EYA1: variants seen among roughly 807,000 people sequenced by gnomAD.
EYA1 encodes EYA transcriptional coactivator and phosphatase 1.
In EYA1, 16 loss-of-function variants were observed where a neutral mutation model predicts 82.0. That is an observed-to-expected ratio of 0.20 (90% CI 0.13 to 0.30). The LOEUF is 0.30. Ranked by LOEUF, EYA1 falls within the 10% of genes least tolerant of loss-of-function variation. The pLI is 1.00. For missense variants in EYA1, 633 were observed against 730.7 expected (o/e 0.87, Z 1.54); for synonymous variants, 261 against 264.4 (o/e 0.99, Z 0.12).
At chr8:71,495,252 C>T (rs916296069) in intron 2 of EYA1, among the ~76,000 whole-genome samples, 25 of 152,056 alleles carry the variant, frequency 1.6e-4, no homozygotes, top group African/African-American at 7.2e-5. Flanking sequence ...ACTTTTTTCA[C>T]GATAAAAATA....
intron 2 of EYA1, among the ~76,000 whole-genome samples, chr8:71,498,222 T>C (rs2129233710): frequency 6.6e-6 from 1 of 152,318 alleles, no homozygotes; most frequent in African/African-American, 2.4e-5. Flanking sequence ...ACAAAAATGG[T>C]AACTATGTGA....
At chr8:71,331,107 T>C (rs1219144194) in intron 4 of EYA1, among the ~76,000 whole-genome samples, 3 of 151,814 alleles carry the variant, frequency 2.0e-5, no homozygotes, top group African/African-American at 7.3e-5. Context: ...CACGTGCCTG[T>C]AGTCCCAGCT....
chr8:71,509,688 T>G (rs931445598), intron 2 of EYA1, among the ~76,000 whole-genome samples: 3 of 152,214 alleles, frequency 2.0e-5, no homozygotes, highest in African/African-American at 7.2e-5. Context: ...AAAATATTTT[T>G]ACACGCTTCA....
At chr8:71,376,644 A>T (rs1330635826) in intron 2 of EYA1, among the ~76,000 whole-genome samples, 1 of 152,068 alleles carries the variant, frequency 6.6e-6, no homozygotes, top group East Asian at 1.9e-4. Flanking sequence ...AGTCAATAGG[A>T]GTTGTAAATT....
At chr8:71,270,102 T>A in intron 10 of EYA1, 1 of 345,540 alleles carries the variant, frequency 2.9e-6, no homozygotes. Context: ...AGAATTTCGG[T>A]CTCAGCTCTG....
chr8:71,366,342 C>T (rs73294221), upstream of EYA1, among the ~76,000 whole-genome samples: 5,600 of 152,136 alleles, frequency 0.037, 189 homozygotes, highest in African/African-American at 0.085. Flanking sequence ...CTTTTTCTTC[C>T]TCCTGCCAAA....
chr8:71,235,317 A>G (rs1194929018), intron 12 of EYA1, among the ~76,000 whole-genome samples: 3 of 151,976 alleles, frequency 2.0e-5, no homozygotes, highest in African/African-American at 7.3e-5. Flanking sequence ...AAGACCCTTC[A>G]TCATCTGGAC....
chr8:71,532,207 T>G (rs369736662), intron 2 of EYA1, among the ~76,000 whole-genome samples: 19 of 152,274 alleles, frequency 1.2e-4, no homozygotes, highest in Admixed American at 7.8e-4. Context: ...AGATGAAGAA[T>G]GCACACACCC....
intron 11 of EYA1, among the ~76,000 whole-genome samples, chr8:71,267,556 T>C (rs1037448115): frequency 1.3e-5 from 2 of 152,160 alleles, no homozygotes; most frequent in African/African-American, 4.8e-5. Flanking sequence ...GATAAAACTT[T>C]TGTTTTTTTT....
At chr8:71,333,374 G>C (rs1171441358) in intron 4 of EYA1, among the ~76,000 whole-genome samples, 2 of 152,016 alleles carry the variant, frequency 1.3e-5, no homozygotes, top group Non-Finnish European at 2.9e-5. Context: ...ATTTCCAATA[G>C]AGAGGTGCTA....
At chr8:71,321,538 G>A (rs971228318) in intron 6 of EYA1, among the ~76,000 whole-genome samples, 196 bp downstream of exon 6, 2 of 152,250 alleles carry the variant, frequency 1.3e-5, no homozygotes, top group Non-Finnish European at 2.9e-5. Context: ...TAATCTTTTC[G>A]CTACCTCTGA....
chr8:71,410,828 C>T (rs1478542575), intron 2 of EYA1, among the ~76,000 whole-genome samples: 1 of 136,500 alleles, frequency 7.3e-6, no homozygotes, highest in Non-Finnish European at 1.6e-5. Context: ...AGATTCAATG[C>T]CATCCCCATC....
chr8:71,544,208 C>G (rs1399287490), intron 1 of EYA1, among the ~76,000 whole-genome samples: 1 of 152,138 alleles, frequency 6.6e-6, no homozygotes, highest in African/African-American at 2.4e-5. Context: ...TCGGTCTCCC[C>G]TCAATACTAT....
Position 71,329,618 on chromosome 8 carries a change from C to T in EYA1, c.202+4479G>A, listed in dbSNP as rs372144274. Among the ~76,000 whole-genome samples the T allele has an allele frequency of 6.6e-5, 10 of 152,274 alleles. No individual in the cohort carries two copies. The East Asian group carries it at 7.7e-4, about 12-fold the overall frequency. ...TCACTACTCTTATTTTGAGTCACTT[C>T]GGAGGAAAAAGTAGAAGCCATCATT... On this transcript the variant is annotated intron_variant, in intron 4 of 17. Transcript: ENST00000340726.
At chr8:71,291,887 C>T (rs574219889) in intron 9 of EYA1, among the ~76,000 whole-genome samples, 9 of 151,924 alleles carry the variant, frequency 5.9e-5, no homozygotes, top group African/African-American at 1.4e-4. Context: ...CAATTGTGTT[C>T]GACTGTATTT....
upstream of EYA1, among the ~76,000 whole-genome samples, chr8:71,365,485 C>T (rs192747224): frequency 3.3e-4 from 50 of 152,092 alleles, no homozygotes; most frequent in African/African-American, 1.1e-3. Context: ...CTTAAAAAAG[C>T]GAAATCCCAC....
intron 2 of EYA1, among the ~76,000 whole-genome samples, chr8:71,500,092 C>A (rs1811707588): frequency 6.6e-6 from 1 of 152,052 alleles, no homozygotes; most frequent in African/African-American, 2.4e-5. Context: ...CTCTCCATGT[C>A]CTGTGTAAAA....
chr8:71,219,470 T>C (rs1202821334), intron 12 of EYA1, among the ~76,000 whole-genome samples: 2 of 152,232 alleles, frequency 1.3e-5, no homozygotes, highest in African/African-American at 4.8e-5. Flanking sequence ...AATGTGTCTA[T>C]GTAATTGTTG....
At chr8:71,448,229 C>T (rs541997030) in intron 2 of EYA1, among the ~76,000 whole-genome samples, 18 of 152,168 alleles carry the variant, frequency 1.2e-4, no homozygotes, top group African/African-American at 4.1e-4. Context: ...ACAATCTTCT[C>T]AAACCTGCCT....
Sources: allele counts gnomAD v4.1 joint callset (sites outside exome capture counted in the v4.1 genomes callset), GRCh38; gene constraint gnomAD v4.1.1; transcripts MANE v1.5; gene names NCBI Gene and HGNC (gene_info 2026-07-23, HGNC 2026-07-21).